Variants in CPT1A observed in about 807,000 individuals in gnomAD.
CPT1A encodes carnitine palmitoyltransferase 1A.
In CPT1A, 64 loss-of-function variants were observed where a neutral mutation model predicts 100.8. The ratio of observed to expected loss-of-function variants is 0.63; its 90% CI spans 0.52 to 0.78. CPT1A has a LOEUF of 0.78. CPT1A is among the 30% of genes least tolerant of loss of function. The pLI is 0.00. For synonymous variants in CPT1A, 363 were observed against 396.0 expected, an observed-to-expected ratio of 0.92 and a Z score of 0.99; for missense variants, 802 against 1,034.1, an observed-to-expected ratio of 0.78 and a Z score of 3.08.
chr11:68,761,562 G>T lies in CPT1A; in HGVS notation c.2001C>A (p.Leu667=). 3 of 1,614,066 alleles carry T rather than the reference G, an allele frequency of 1.9e-6. No individual in the cohort carries two copies. Among genetic ancestry groups the T allele is most frequent in the Non-Finnish European group, 2.5e-6 (3 of 1,180,020 alleles). The stretch of plus-strand genomic sequence containing the variant: ...CCTTAAGGAAAGGGGACTCCACAGC[G>T]AGATATTTAGACACCACGTAAAGGC... ...LFCLYVVSKY[L]AVESPFLKEV... is the part of the protein sequence containing the mutation. Residue 667 remains leucine, a synonymous_variant, in exon 16 of 19, where the codon CTC becomes CTA. Coordinates refer to ENST00000265641, the MANE Select transcript of CPT1A (RefSeq NM_001876.4).
rs918009014 is a variant in CPT1A at position 68,839,453 on chromosome 11, G to C, written c.-14+2322C>G. 10 of 958,448 alleles carry C rather than the reference G, an allele frequency of 1.0e-5. No individual in the cohort carries two copies. The South Asian group carries it at 3.4e-4, about 32-fold the overall frequency. The allele number at this position is 958,448 out of a possible 1,614,324, so 59.4% of individuals were successfully genotyped here. A position where few individuals can be genotyped will look rare whatever the true frequency, so the allele number is the denominator to read the frequency against. ...CCAGGCTGGCGCGTCCCAGGCGCTCGGATCCTGTTCCACCCGCCGTGCCCA... is the reference window on the plus strand; with the variant it reads ...CCAGGCTGGCGCGTCCCAGGCGCTCCGATCCTGTTCCACCCGCCGTGCCCA... On this transcript the variant is annotated intron_variant, in intron 1 of 18. Transcript: ENST00000265641.
rs1484941493 is a variant in CPT1A, at chr11:68,755,652, GCCCGCCTTGGCCT to G, written c.*1979_*1991del. 1.4e-5 allele frequency: 2 copies of G among 146,562 alleles called. No individual in the cohort carries two copies. The highest frequency in any genetic ancestry group is 3.0e-5 in the Non-Finnish European group (2 of 67,212). The allele number at this position is 146,562 out of a possible 1,614,324, so 9.1% of individuals were successfully genotyped here. A position where few individuals can be genotyped will look rare whatever the true frequency, so the allele number is the denominator to read the frequency against. On this transcript the variant is annotated 3_prime_UTR_variant, in exon 19 of 19. Transcript: ENST00000265641. ...TCTCCATCTCCTGACCTCGTGATCCGCCCGCCTTGGCCTCCCAAAGTGCTGGGATTACACGCAT... is the reference window on the plus strand; with the variant it reads ...TCTCCATCTCCTGACCTCGTGATCCGCCCAAAGTGCTGGGATTACACGCAT...
At chr11:68,814,573 G>A (rs886909877) in intron 2 of CPT1A, among the ~76,000 whole-genome samples, 79 of 152,338 alleles carry the variant, frequency 5.2e-4, no homozygotes, top group African/African-American at 1.8e-3. Context: ...CTCCCAAAGT[G>A]CTGGGATTAC....
chr11:68,755,630 C>T lies in CPT1A; in HGVS notation c.*2014G>A, dbSNP rs1305121558. 6.6e-6 allele frequency: 1 copy of T among 150,432 alleles called. No individual in the cohort carries two copies. The highest frequency in any genetic ancestry group is 1.5e-5 in the Non-Finnish European group (1 of 67,800). The allele number at this position is 150,432 out of a possible 1,614,324, so 9.3% of individuals were successfully genotyped here. A position where few individuals can be genotyped will look rare whatever the true frequency, so the allele number is the denominator to read the frequency against. On this transcript the variant is annotated 3_prime_UTR_variant, in exon 19 of 19. Transcript: ENST00000265641. Reference sequence around the variant, plus strand: ...TTCACCGTGTTAGCCAGGATGGTCTCCATCTCCTGACCTCGTGATCCGCCC... The same window carrying T: ...TTCACCGTGTTAGCCAGGATGGTCTTCATCTCCTGACCTCGTGATCCGCCC...
At chr11:68,772,287 A>C (rs2153996661) in intron 14 of CPT1A, among the ~76,000 whole-genome samples, 1 of 152,212 alleles carries the variant, frequency 6.6e-6, no homozygotes, top group Admixed American at 6.5e-5. Context: ...CGGGAGGTGG[A>C]GGTTGCAGTG....
At chr11:68,803,532 G>T (rs1855960561) in intron 5 of CPT1A, among the ~76,000 whole-genome samples, 1 of 152,070 alleles carries the variant, frequency 6.6e-6, no homozygotes, top group East Asian at 1.9e-4. Flanking sequence ...CCAACATGGT[G>T]AAACCCTGTC....
intron 12 of CPT1A, among the ~76,000 whole-genome samples, chr11:68,776,783 C>A (rs1486315612): frequency 1.3e-5 from 2 of 151,808 alleles, no homozygotes; most frequent in Non-Finnish European, 2.9e-5. Context: ...GGAGGCTAAG[C>A]AGTGACTGTT....
chr11:68,787,705 G>T (rs1855503060), intron 9 of CPT1A, among the ~76,000 whole-genome samples: 1 of 152,050 alleles, frequency 6.6e-6, no homozygotes, highest in South Asian at 2.1e-4. Context: ...ACTTTGGGAG[G>T]CCGAGGTGGG....
At chr11:68,842,715 G>T (rs1857185206), upstream of CPT1A, among the ~76,000 whole-genome samples, 1 of 152,148 alleles carries the variant, frequency 6.6e-6, no homozygotes, top group Non-Finnish European at 1.5e-5. Context: ...TTGTGCTGGA[G>T]CTCGGGAGAG....
At chr11:68,814,953 C>G (rs980893872) in intron 2 of CPT1A, among the ~76,000 whole-genome samples, 3 of 152,124 alleles carry the variant, frequency 2.0e-5, no homozygotes, top group Non-Finnish European at 4.4e-5. Flanking sequence ...TCCCAAAGTG[C>G]AGGGATTATA....
rs1461820702 is a variant in CPT1A at position 68,793,409 on chromosome 11, C to T, written c.880-7G>A. The T allele has an allele frequency of 1.2e-6, 2 of 1,605,210 alleles. No homozygotes were observed. The highest frequency in any genetic ancestry group is 1.7e-5 in the Admixed American group (1 of 59,352). On this transcript the variant is annotated splice_region_variant and splice_polypyrimidine_tract_variant and intron_variant, in intron 8 of 18. Coordinates refer to ENST00000265641, the MANE Select transcript of CPT1A (RefSeq NM_001876.4). ...TGGATCCCAAAAGACGAATCTGTAA[C>T]AAAAATATATTTCAAACCAACAACG...
Position 68,762,653 on chromosome 11 carries a change from G to C in CPT1A, c.1849C>G (p.Arg617Gly). 1 of 1,613,790 alleles carries C rather than the reference G, an allele frequency of 6.2e-7. No individual in the cohort carries two copies. Among genetic ancestry groups the C allele is most frequent in the Non-Finnish European group, 8.5e-7 (1 of 1,180,026 alleles). The change falls in exon 15 of 19, where the codon CGG (arginine) becomes GGG (glycine). Residue 617 changes from arginine to glycine, a missense_variant. Physicochemically the swap from Arg to Gly is moderately radical, Grantham distance 125 (BLOSUM62 -2). Transcript: ENST00000265641. ...SCTTESCDFV[R>G]AMVDPAQTVE... ...GTCTGGGCCGGGTCCACCATGGCCC[G>C]CACGAAGTCGCATGACTCAGTGGTG...
chr11:68,834,010 G>A (rs1007724708), intron 1 of CPT1A, among the ~76,000 whole-genome samples: 4 of 152,140 alleles, frequency 2.6e-5, no homozygotes, highest in African/African-American at 7.2e-5. Context: ...GAAAGGTTGC[G>A]TCTTGAATTC....
At chr11:68,840,368 A>T (rs1220580051) in intron 1 of CPT1A, among the ~76,000 whole-genome samples, 3 of 152,366 alleles carry the variant, frequency 2.0e-5, no homozygotes. Flanking sequence ...TTTGTGGCTT[A>T]GAATGAAATA....
chr11:68,790,704 A>T (rs1205144936), intron 9 of CPT1A, among the ~76,000 whole-genome samples: 1 of 152,246 alleles, frequency 6.6e-6, no homozygotes, highest in Non-Finnish European at 1.5e-5. Flanking sequence ...GTGGTCATTT[A>T]TTCCAGCAGC....
At chr11:68,814,150 A>G (rs1448315202) in intron 2 of CPT1A, among the ~76,000 whole-genome samples, 4 of 152,182 alleles carry the variant, frequency 2.6e-5, no homozygotes, top group African/African-American at 9.7e-5. Context: ...CATGTTTTCA[A>G]ACATGCACTT....
rs61731906 is a variant in CPT1A at position 68,775,362 on chromosome 11, G to A, written c.1529C>T (p.Pro510Leu). 1,932 of 1,614,196 alleles carry A rather than the reference G, an allele frequency of 1.2e-3. 21 individuals carry two copies. The African/African-American group carries it at 0.022, about 19-fold the overall frequency. Reference sequence around the variant, plus strand: ...CAGCCTGGTGGGGTACGGAATGTTCGGATTGATGTCGCCTTTGCAGTGCCC... The same window carrying A: ...CAGCCTGGTGGGGTACGGAATGTTCAGATTGATGTCGCCTTTGCAGTGCCC... Reference protein sequence around the residue: ...EDGHCKGDINPNIPYPTRLQW... With the variant: ...EDGHCKGDINLNIPYPTRLQW... Residue 510 changes from proline to leucine, a missense_variant, in exon 13 of 19, where the codon CCG (proline) becomes CTG (leucine). Pro to Leu is a moderately conservative substitution (Grantham distance 98). This residue lies in a region of CPT1A where 627 missense variants were observed against 799.3 expected (regional missense o/e 0.78). Transcript: ENST00000265641.
In CPT1A at chr11:68,793,481, C is replaced by T. The variant is rs553181816; in HGVS notation, c.880-79G>A. On this transcript the variant is annotated intron_variant, in intron 8 of 18. Coordinates refer to ENST00000265641, the MANE Select transcript of CPT1A (RefSeq NM_001876.4). ...AGCAAGTTGGCCGGGTGCGGTGGCT[C>T]ACGCCTGTAATCCCAACACTTTGGG... 200 of 1,143,744 alleles carry T rather than the reference C, an allele frequency of 1.7e-4. No homozygotes were observed. In the African/African-American group the frequency reaches 2.8e-3, roughly 16 times the overall value. 70.8% of individuals were successfully genotyped at this position (1,143,744 alleles called of 1,614,324 possible).
At chr11:68,825,674 C>T (rs1856707266) in intron 1 of CPT1A, among the ~76,000 whole-genome samples, 1 of 152,022 alleles carries the variant, frequency 6.6e-6, no homozygotes, top group African/African-American at 2.4e-5. Context: ...CCCGAGTGCC[C>T]GCCTCCCTCC....
Sources: gnomAD v4.1 joint callset for allele counts (sites outside exome capture counted in the v4.1 genomes callset) on GRCh38, gnomAD v4.1.1 for gene constraint, gnomAD v4.1.1 regional missense constraint, MANE v1.5 for transcripts, NCBI Gene and HGNC (gene_info 2026-07-23, HGNC 2026-07-21) for gene names.